Variants in PRICKLE3 observed in about 807,000 individuals in gnomAD.
PRICKLE3 encodes prickle planar cell polarity protein 3, also known as LIM domain only protein 6.
In PRICKLE3, 17 loss-of-function variants were observed where a neutral mutation model predicts 33.8. That is an observed-to-expected ratio of 0.50 (90% CI 0.34 to 0.75). The LOEUF (loss-of-function observed/expected upper bound fraction) is 0.75, where lower values mean the gene tolerates loss of function less well. PRICKLE3 is among the 30% of genes least tolerant of loss of function. The pLI, the probability that PRICKLE3 is intolerant of heterozygous loss-of-function variation, is 0.01. For synonymous variants in PRICKLE3, 211 were observed against 219.6 expected (o/e 0.96, Z 0.34); for missense variants, 573 against 576.7 (o/e 0.99, Z 0.07).
At chrX:49,181,562 C>CGTATATAT (rs1319788792) in intron 3 of PRICKLE3, among the ~76,000 whole-genome samples, 1 of 1,487 alleles carries the variant, frequency 6.7e-4, no homozygotes, top group Non-Finnish European at 1.8e-3. Flanking sequence ...TATATATATA[C>CGTATATAT]ACGTATATAT....
chrX:49,186,315 T>G lies in PRICKLE3; in HGVS notation c.-18A>C, dbSNP rs1362707818. 2 of 1,128,471 alleles carry G rather than the reference T, an allele frequency of 1.8e-6. No homozygotes were observed. The highest frequency in any genetic ancestry group is 2.3e-6 in the Non-Finnish European group (2 of 854,801). 93.0% of individuals were successfully genotyped at this position (1,128,471 alleles called of 1,213,427 possible). On this transcript the variant is annotated 5_prime_UTR_variant, in exon 1 of 9. Coordinates refer to ENST00000599218, the MANE Select transcript of PRICKLE3 (RefSeq NM_006150.5). ...GCGAACATGGCGCGCCCGGGCAGGG[T>G]CAAGCCGGGCCGGGTCAGGCGAATG...
intron 3 of PRICKLE3, among the ~76,000 whole-genome samples, chrX:49,181,554 T>G (rs2147874503): frequency 1.2e-5 from 1 of 80,652 alleles, no homozygotes; most frequent in African/African-American, 6.4e-5. Flanking sequence ...TATATGTGTA[T>G]ATATATACAC....
Position 49,175,812 on chromosome X carries a change from A to T in PRICKLE3, c.1709T>A (p.Leu570Gln), listed in dbSNP as rs1204959554. 9 of 1,210,844 alleles carry T rather than the reference A, an allele frequency of 7.4e-6. No individual in the cohort carries two copies. Among genetic ancestry groups the T allele is most frequent in the Non-Finnish European group, 1.0e-5 (9 of 895,339 alleles). ...CATGGGCCTGCACAAATGCGGGGGC[A>T]GAGGGATGCGCTCTCCTAGGAAGAA... ...DGFFLGERIP[L>Q]PPHLCRPMPA... Residue 570 changes from leucine (L) to glutamine (Q), a missense_variant, in exon 9 of 9, where the codon CTG becomes CAG. By Grantham distance (113) the Leu-to-Gln change is moderately radical. Coordinates refer to ENST00000599218, the MANE Select transcript of PRICKLE3 (RefSeq NM_006150.5).
Position 49,179,809 on chromosome X carries a change from G to C in PRICKLE3, c.313-3C>G. The C allele has an allele frequency of 9.5e-7, 1 of 1,054,408 alleles. No homozygotes were observed. The highest frequency in any genetic ancestry group is 1.3e-6 in the Non-Finnish European group (1 of 780,362). The allele number at this position is 1,054,408 out of a possible 1,213,427, so 86.9% of individuals were successfully genotyped here. A position where few individuals can be genotyped will look rare whatever the true frequency, so the allele number is the denominator to read the frequency against. The stretch of plus-strand genomic sequence containing the variant: ...AGGCAGCTGAAAAATTGATATACCT[G>C]GGAGGACATAGGAGTGGGAGAAAAC... On this transcript the variant is annotated splice_region_variant and splice_polypyrimidine_tract_variant and intron_variant, in intron 3 of 8. Transcript: ENST00000599218.
chrX:49,178,142 C>T lies in PRICKLE3; in HGVS notation c.806G>A (p.Arg269His), dbSNP rs1273838135. The stretch of plus-strand genomic sequence containing the variant: ...GCAGAAGTGATCCATGTGCCAGTGG[C>T]GGCCCTCAGCCTCCGTGCACTCAGG... ...FSPECTEAEG[R>H]HWHMDHFCCF... Residue 269 changes from arginine to histidine, a missense_variant, in exon 7 of 9, where the codon CGC becomes CAC. Arg to His is a conservative substitution (Grantham distance 29, BLOSUM62 0). Coordinates refer to ENST00000599218, the MANE Select transcript of PRICKLE3 (RefSeq NM_006150.5). 1.4e-5 allele frequency: 17 copies of T among 1,180,030 alleles called. No individual in the cohort carries two copies. The highest frequency in any genetic ancestry group is 8.8e-5 in the African/African-American group (5 of 56,926).
Position 49,175,890 on chromosome X carries a change from G to C in PRICKLE3, c.1631C>G (p.Ser544Cys). The C allele has an allele frequency of 8.3e-7, 1 of 1,211,944 alleles. No homozygotes were observed. The highest frequency in any genetic ancestry group is 1.1e-6 in the Non-Finnish European group (1 of 895,568). ...CDAGSGSDSE[S>C]CSSSPSSSSS... Reference sequence around the variant, plus strand: ...GGAACTGGAGGGCGAGCTGGAGCAAGATTCCGAGTCTGACCCTGATCCCGC... The same window carrying C: ...GGAACTGGAGGGCGAGCTGGAGCAACATTCCGAGTCTGACCCTGATCCCGC... Residue 544 changes from serine (S) to cysteine (C), a missense_variant, in exon 9 of 9, where the codon TCT becomes TGT. Ser to Cys is a moderately radical substitution (Grantham distance 112, BLOSUM62 -1). Transcript: ENST00000599218.
At chrX:49,181,928 C>T (rs992954843) in intron 3 of PRICKLE3, among the ~76,000 whole-genome samples, 13 of 106,278 alleles carry the variant, frequency 1.2e-4, no homozygotes, top group Non-Finnish European at 2.5e-4. Flanking sequence ...GGATTACAGG[C>T]GTGAACCACT....
intron 3 of PRICKLE3, among the ~76,000 whole-genome samples, chrX:49,180,878 T>C (rs1391446385): frequency 9.0e-6 from 1 of 111,472 alleles, no homozygotes; most frequent in Non-Finnish European, 1.9e-5. Flanking sequence ...AACTTATCCC[T>C]TGAGTTCCAG....
In PRICKLE3 at chrX:49,179,339, G is replaced by C. The variant is rs1490262435; in HGVS notation, c.476C>G (p.Ala159Gly). The change falls in exon 5 of 9, where the codon GCC (alanine) becomes GGC (glycine). Residue 159 changes from alanine to glycine, a missense_variant. Ala to Gly is a moderately conservative substitution (Grantham distance 60). Transcript: ENST00000599218. ...CTCCCGCTTCCGCTGCTGGCTAAAG[G>C]CTCGGAGCTCTTTCTTTTCCTCCTC... ...LEEEEKKELR[A>G]FSQQRKRENL... 1.7e-6 allele frequency: 2 copies of C among 1,211,173 alleles called. No individual in the cohort carries two copies. Among genetic ancestry groups the C allele is most frequent in the Non-Finnish European group, 2.2e-6 (2 of 895,225 alleles).
intron 3 of PRICKLE3, 168 bp downstream of exon 3, chrX:49,183,566 G>T: frequency 3.7e-6 from 4 of 1,079,352 alleles, no homozygotes; most frequent in Non-Finnish European, 3.7e-6. Context: ...CCCAAGGTAT[G>T]GGGGGCTGAC....
At position 49,183,875 on chromosome X, in the gene PRICKLE3, T is replaced by C. The variant is rs2065469887; in HGVS notation, c.171A>G (p.Ala57=). ...QHCKCPREEH[A]VHAVPVDLER... is the part of the protein sequence containing the mutation. Reference sequence around the variant, plus strand: ...CCAGGTCCACAGGCACCGCGTGCACTGCATGCTCCTCCCGCGGGCATTTGC... The same window carrying C: ...CCAGGTCCACAGGCACCGCGTGCACCGCATGCTCCTCCCGCGGGCATTTGC... Residue 57 remains alanine (A), a synonymous_variant, in exon 3 of 9, where the codon GCA becomes GCG. Coordinates refer to ENST00000599218, the MANE Select transcript of PRICKLE3 (RefSeq NM_006150.5). The C allele has an allele frequency of 1.7e-6, 2 of 1,210,262 alleles. No homozygotes were observed. The highest frequency in any genetic ancestry group is 1.8e-5 in the South Asian group (1 of 56,932).
chrX:49,178,683 G>A (rs1260328662), intron 5 of PRICKLE3, among the ~76,000 whole-genome samples: 1 of 112,602 alleles, frequency 8.9e-6, no homozygotes, highest in Non-Finnish European at 1.9e-5. Context: ...GCTCATGAGG[G>A]AAGCCGTAGA....
chrX:49,179,682 T>C lies in PRICKLE3; in HGVS notation c.426+11A>G. The C allele has an allele frequency of 8.7e-7, 1 of 1,146,888 alleles. No individual in the cohort carries two copies. Among genetic ancestry groups the C allele is most frequent in the Non-Finnish European group, 1.2e-6 (1 of 847,626 alleles). The allele number at this position is 1,146,888 out of a possible 1,213,427, so 94.5% of individuals were successfully genotyped here. On this transcript the variant is annotated intron_variant, in intron 4 of 8. Transcript: ENST00000599218. ...TGCCTGGCATGCCCTTCCTGTCTTC[T>C]CTCTCCTCACCTCACTGTCGTGTGG... is the stretch of plus-strand genomic sequence containing the variant.
At position 49,179,762 on chromosome X, in the gene PRICKLE3, G is replaced by A. The variant is rs199809475; in HGVS notation, c.357C>T (p.Tyr119=). 2.6e-5 allele frequency: 31 copies of A among 1,179,808 alleles called. No individual in the cohort carries two copies. The highest frequency in any genetic ancestry group is 2.4e-4 in the East Asian group (8 of 32,765). The change falls in exon 4 of 9, where the codon TAC becomes TAT. Residue 119 remains tyrosine (Y), a synonymous_variant. Transcript: ENST00000599218. The part of the protein sequence containing the change: ...FSCLPEDKVP[Y]VNSPGEKYRI... ...TGTATTTCTCCCCAGGACTGTTGACGTAGGGGACCTTGTCCTCTGGGAGGC... is the reference window on the plus strand; with the variant it reads ...TGTATTTCTCCCCAGGACTGTTGACATAGGGGACCTTGTCCTCTGGGAGGC...
At chrX:49,185,396 C>A (rs781852909) in intron 1 of PRICKLE3, among the ~76,000 whole-genome samples, 5 of 111,704 alleles carry the variant, frequency 4.5e-5, no homozygotes, top group Admixed American at 1.9e-4. Context: ...ACCATCAAAC[C>A]CAGACCCCAC....
Position 49,178,101 on chromosome X carries a change from C to G in PRICKLE3, c.847G>C (p.Ala283Pro). ...MDHFCCFECE[A>P]SLGGQRYVMR... ...ACATAGCGCTGCCCTCCTAGTGAAGCTTCACACTCAAAGCAGCAGAAGTGA... is the reference window on the plus strand; with the variant it reads ...ACATAGCGCTGCCCTCCTAGTGAAGGTTCACACTCAAAGCAGCAGAAGTGA... Residue 283 changes from alanine (A) to proline (P), a missense_variant, in exon 7 of 9, where the codon GCT (alanine) becomes CCT (proline). By Grantham distance (27) the Ala-to-Pro change is conservative (BLOSUM62 -1). Coordinates refer to ENST00000599218, the MANE Select transcript of PRICKLE3 (RefSeq NM_006150.5). 8.4e-7 allele frequency: 1 copy of G among 1,184,977 alleles called. No homozygotes were observed. Among genetic ancestry groups the G allele is most frequent in the Non-Finnish European group, 1.1e-6 (1 of 880,128 alleles).
In PRICKLE3 at chrX:49,186,341, T is replaced by G; in HGVS notation, c.-44A>C. On this transcript the variant is annotated 5_prime_UTR_variant, in exon 1 of 9. Transcript: ENST00000599218. Reference sequence around the variant, plus strand: ...CAAGCCGGGCCGGGTCAGGCGAATGTAATCCTTGCGACCGTCAGGCCACCG... The same window carrying G: ...CAAGCCGGGCCGGGTCAGGCGAATGGAATCCTTGCGACCGTCAGGCCACCG... 2 of 1,087,157 alleles carry G rather than the reference T, an allele frequency of 1.8e-6. No homozygotes were observed. The highest frequency in any genetic ancestry group is 2.4e-6 in the Non-Finnish European group (2 of 829,570). The allele number at this position is 1,087,157 out of a possible 1,213,427, so 89.6% of individuals were successfully genotyped here. A position where few individuals can be genotyped will look rare whatever the true frequency, so the allele number is the denominator to read the frequency against.
At chrX:49,177,289 G>A in intron 7 of PRICKLE3, 87 bp from the exon 8 acceptor site, 2 of 977,527 alleles carry the variant, frequency 2.0e-6, no homozygotes, top group African/African-American at 1.9e-5. Flanking sequence ...CTCAAGAAGA[G>A]GTGGGGAATC....
chrX:49,178,034 G>A lies in PRICKLE3; in HGVS notation c.914C>T (p.Ala305Val). ...GCCATCACAGTACTCCGCGTGGCGGGCCTCGTAGCAGGCGCAGCAGTGGGG... is the reference window on the plus strand; with the variant it reads ...GCCATCACAGTACTCCGCGTGGCGGACCTCGTAGCAGGCGCAGCAGTGGGG... Reference protein sequence around the residue: ...SRPHCCACYEARHAEYCDGCG... With the variant: ...SRPHCCACYEVRHAEYCDGCG... Residue 305 changes from alanine to valine, a missense_variant, in exon 7 of 9, where the codon GCC (alanine) becomes GTC (valine). Physicochemically the swap from Ala to Val is moderately conservative, Grantham distance 64. Transcript: ENST00000599218. The A allele has an allele frequency of 8.7e-7, 1 of 1,154,893 alleles. No homozygotes were observed. Among genetic ancestry groups the A allele is most frequent in the Non-Finnish European group, 1.2e-6 (1 of 867,083 alleles).
Sources: gnomAD v4.1 joint callset for allele counts (sites outside exome capture counted in the v4.1 genomes callset) on GRCh38, gnomAD v4.1.1 for gene constraint, MANE v1.5 for transcripts, NCBI Gene and HGNC (gene_info 2026-07-23, HGNC 2026-07-21) for gene names.